The following NIPAL1 variants were observed in gnomAD, a reference collection of about 807,000 sequenced individuals.
NIPAL1 encodes the protein magnesium transporter NIPA3.
A neutral mutation model predicts 37.7 loss-of-function variants in NIPAL1; 35 were observed. The observed-to-expected ratio is 0.93, with a 90% CI of 0.71 to 1.23. The LOEUF (loss-of-function observed/expected upper bound fraction) is 1.23. Ranked by LOEUF, NIPAL1 falls within the 50% of genes most tolerant of loss-of-function variation. NIPAL1 has a pLI of 0.00. For synonymous variants in NIPAL1, 162 were observed against 183.0 expected, an observed-to-expected ratio of 0.89 and a Z score of 0.93; for missense variants, 412 against 473.9, an observed-to-expected ratio of 0.87 and a Z score of 1.21.
chr4:48,026,314 A>G (rs1715685693), intron 2 of NIPAL1, among the ~76,000 whole-genome samples: 2 of 152,196 alleles, frequency 1.3e-5, no homozygotes, highest in African/African-American at 2.4e-5. Context: ...TGAGTTTTCT[A>G]TTCATTTTCA....
At chr4:48,021,895 A>G in intron 1 of NIPAL1, among the ~76,000 whole-genome samples, 1 of 151,202 alleles carries the variant, frequency 6.6e-6, no homozygotes, top group East Asian at 1.9e-4. Context: ...GTGTGTATAT[A>G]TATATATATT....
intron 2 of NIPAL1, among the ~76,000 whole-genome samples, chr4:48,029,841 C>T (rs1046053474): frequency 2.6e-5 from 4 of 151,846 alleles, no homozygotes; most frequent in African/African-American, 7.3e-5. Flanking sequence ...AAGGTAAATG[C>T]GTAGGGAGGT....
intron 3 of NIPAL1, among the ~76,000 whole-genome samples, chr4:48,032,259 T>C (rs757766392): frequency 3.3e-5 from 5 of 152,180 alleles, no homozygotes; most frequent in Non-Finnish European, 5.9e-5. Context: ...AATACTACAT[T>C]CTGTGGGCAA....
At position 48,035,619 on chromosome 4, in the gene NIPAL1, T is replaced by C. The variant is rs1406690238; in HGVS notation, c.680T>C (p.Val227Ala). 1.9e-6 allele frequency: 3 copies of C among 1,613,466 alleles called. No individual in the cohort carries two copies. Among genetic ancestry groups the C allele is most frequent in the Non-Finnish European group, 2.5e-6 (3 of 1,179,702 alleles). The change falls in exon 6 of 6, where the codon GTG (valine) becomes GCG (alanine). Residue 227 changes from valine to alanine, a missense_variant. Physicochemically the swap from Val to Ala is moderately conservative, Grantham distance 64. Coordinates refer to ENST00000295461, the MANE Select transcript of NIPAL1 (RefSeq NM_207330.3). ...ATCTCCTTGGTGCTGATTTTGATTG[T>C]GGCTCCCAAGAAAGGACAGACCAAT... Reference protein sequence around the residue: ...TVISLVLILIVAPKKGQTNIL... With the variant: ...TVISLVLILIAAPKKGQTNIL...
chr4:48,033,478 T>C (rs1715863984), intron 4 of NIPAL1, among the ~76,000 whole-genome samples: 1 of 152,206 alleles, frequency 6.6e-6, no homozygotes, highest in Admixed American at 6.5e-5. Context: ...GCATAGAAGA[T>C]TTTTTAAATC....
rs1716000640 is a variant in NIPAL1, at chr4:48,038,400, C to T, written c.*2228C>T. ...ATGGCTCACACCTGTAATTCCAACACTTTGGGGGGCTCAGGTGGGAGGATT... is the reference window on the plus strand; with the variant it reads ...ATGGCTCACACCTGTAATTCCAACATTTTGGGGGGCTCAGGTGGGAGGATT... On this transcript the variant is annotated 3_prime_UTR_variant, in exon 6 of 6. Coordinates refer to ENST00000295461, the MANE Select transcript of NIPAL1 (RefSeq NM_207330.3). 6.6e-6 allele frequency: 1 copy of T among 152,116 alleles called. No individual in the cohort carries two copies. The highest frequency in any genetic ancestry group is 6.5e-5 in the Admixed American group (1 of 15,270). 9.4% of individuals were successfully genotyped at this position (152,116 alleles called of 1,614,324 possible). A position where few individuals can be genotyped will look rare whatever the true frequency, so the allele number is the denominator to read the frequency against.
intron 2 of NIPAL1, among the ~76,000 whole-genome samples, chr4:48,026,962 C>T (rs773427359): frequency 5.9e-5 from 9 of 151,928 alleles, no homozygotes; most frequent in Non-Finnish European, 1.2e-4. Context: ...AGATGATCCG[C>T]CCGCCTCGGC....
At chr4:48,019,661 G>A (rs1715527929) in intron 1 of NIPAL1, among the ~76,000 whole-genome samples, 1 of 152,220 alleles carries the variant, frequency 6.6e-6, no homozygotes, top group African/African-American at 2.4e-5. Flanking sequence ...CAATAGTAGG[G>A]AATGAGGTTA....
chr4:48,016,928 C>T (rs1314841681), intron 1 of NIPAL1, 43 bp downstream of exon 1: 4 of 1,547,898 alleles, frequency 2.6e-6, no homozygotes, highest in Non-Finnish European at 3.5e-6. Context: ...AGCTGGGTGG[C>T]GAAGAGACCG....
At position 48,031,054 on chromosome 4, in the gene NIPAL1, GT is replaced by G. The variant is rs981913983; in HGVS notation, c.370+885del. Among the ~76,000 whole-genome samples the G allele has an allele frequency of 3.2e-4, 49 of 151,926 alleles. No individual in the cohort carries two copies. In the South Asian group the frequency reaches 8.8e-3, roughly 27 times the overall value. ...CTTGTTTATTGTGGATTTTTTTGGG[GT>G]TTTTTTGTTTTTTGTTTTGTTTTTT... On this transcript the variant is annotated intron_variant, in intron 3 of 5. Transcript: ENST00000295461.
At chr4:48,026,628 G>C (rs1005153321) in intron 2 of NIPAL1, among the ~76,000 whole-genome samples, 7 of 152,026 alleles carry the variant, frequency 4.6e-5, no homozygotes, top group African/African-American at 1.7e-4. Flanking sequence ...GAGATAATTG[G>C]AAAAAATTAG....
At chr4:48,029,825 G>A (rs536125740) in intron 2 of NIPAL1, among the ~76,000 whole-genome samples, 69 of 152,234 alleles carry the variant, frequency 4.5e-4, no homozygotes, top group African/African-American at 1.7e-3. Flanking sequence ...TCATTCCAGT[G>A]TTGCAAAGGT....
intron 2 of NIPAL1, 124 bp from the exon 3 acceptor site, chr4:48,029,996 G>T: frequency 1.8e-6 from 1 of 560,946 alleles, no homozygotes; most frequent in South Asian, 2.5e-5. Context: ...TAAGCTAAGA[G>T]ACTTTAGATT....
intron 1 of NIPAL1, among the ~76,000 whole-genome samples, chr4:48,019,730 T>G (rs1454420967): frequency 6.6e-6 from 1 of 152,208 alleles, no homozygotes; most frequent in Non-Finnish European, 1.5e-5. Flanking sequence ...TTTTGGATTT[T>G]TTTCGGAATG....
chr4:48,033,144 C>A, intron 4 of NIPAL1, 61 bp downstream of exon 4: 1 of 1,034,754 alleles, frequency 9.7e-7, no homozygotes, highest in Non-Finnish European at 1.5e-6. Flanking sequence ...TAAACTTAAA[C>A]CATAATAAAC....
chr4:48,032,891 A>G (rs1715853036), intron 3 of NIPAL1, 102 bp from the exon 4 acceptor site: 1 of 676,564 alleles, frequency 1.5e-6, no homozygotes, highest in Non-Finnish European at 2.6e-6. Flanking sequence ...AGATCTTCCC[A>G]TGTATTTGGG....
Position 48,036,328 on chromosome 4 carries a change from G to A in NIPAL1, c.*156G>A, listed in dbSNP as rs1387993452. 1 of 626,118 alleles carries A rather than the reference G, an allele frequency of 1.6e-6. No individual in the cohort carries two copies. Among genetic ancestry groups the A allele is most frequent in the Non-Finnish European group, 2.7e-6 (1 of 374,578 alleles). The allele number at this position is 626,118 out of a possible 1,614,324, so 38.8% of individuals were successfully genotyped here. On this transcript the variant is annotated 3_prime_UTR_variant, in exon 6 of 6. Transcript: ENST00000295461. ...TAAAAATGCCATTTTTTTGGCCATT[G>A]AATTTGAAAATCAAATTGATTATCC...
intron 1 of NIPAL1, among the ~76,000 whole-genome samples, chr4:48,020,754 A>G (rs1166874165): frequency 6.6e-6 from 1 of 152,190 alleles, no homozygotes; most frequent in Admixed American, 6.5e-5. Context: ...CAGGTGAAGC[A>G]CCTTTGCCCA....
At chr4:48,019,726 A>AT (rs540958873) in intron 1 of NIPAL1, among the ~76,000 whole-genome samples, 4 of 152,146 alleles carry the variant, frequency 2.6e-5, no homozygotes, top group East Asian at 1.9e-4. Context: ...GGAATTTTGG[A>AT]TTTTTTTCGG....
Sources: gnomAD v4.1 joint callset for allele counts (sites outside exome capture counted in the v4.1 genomes callset) on GRCh38, gnomAD v4.1.1 for gene constraint, MANE v1.5 for transcripts, NCBI Gene and HGNC (gene_info 2026-07-23, HGNC 2026-07-21) for gene names.